HS2ST1: variants seen among roughly 807,000 people sequenced by gnomAD.
The protein encoded by HS2ST1 is 2-O-sulfotransferase.
HS2ST1 carries 18 observed loss-of-function variants against 42.9 expected under a neutral mutation model. That is an observed-to-expected ratio of 0.42 (90% CI 0.29 to 0.62). HS2ST1 has a LOEUF of 0.62. HS2ST1 is among the 20% of genes least tolerant of loss of function. The probability of loss-of-function intolerance (pLI) is 0.21; values close to 1 mark genes in which losing one functional copy is unlikely to be tolerated. For missense variants in HS2ST1, 334 were observed against 433.8 expected, an observed-to-expected ratio of 0.77 and a Z score of 2.04; for synonymous variants, 146 against 152.9, an observed-to-expected ratio of 0.95 and a Z score of 0.33.
intron 1 of HS2ST1, among the ~76,000 whole-genome samples, chr1:87,063,840 C>T (rs917061140): frequency 1.3e-4 from 20 of 152,094 alleles, no homozygotes; most frequent in African/African-American, 4.8e-4. Context: ...GTTTGAGATC[C>T]TGCTGGTTCT....
intron 1 of HS2ST1, among the ~76,000 whole-genome samples, chr1:86,921,095 A>G (rs539915583): frequency 6.6e-6 from 1 of 152,230 alleles, no homozygotes; most frequent in Non-Finnish European, 1.5e-5. Flanking sequence ...TACAAATAAA[A>G]AAAAACTATC....
intron 1 of HS2ST1, among the ~76,000 whole-genome samples, chr1:86,945,983 G>A (rs1570438141): frequency 2.0e-5 from 3 of 152,302 alleles, no homozygotes; most frequent in South Asian, 2.1e-4. Context: ...ACTGAAAGCT[G>A]TATGTTCAAA....
At chr1:86,932,564 A>G (rs556308777) in intron 1 of HS2ST1, 17 of 152,294 alleles carry the variant, frequency 1.1e-4, no homozygotes, top group African/African-American at 3.6e-4. Flanking sequence ...AAATACATTG[A>G]TTTGTTATTT....
At position 86,924,160 on chromosome 1, in the gene HS2ST1, A is replaced by T. The variant is rs551187229; in HGVS notation, c.124+9000A>T. On this transcript the variant is annotated intron_variant, in intron 1 of 6. Transcript: ENST00000370550. ...AAATCCAGCGGGGCAGTGAAATCTT[A>T]AACCTTCAAAATGATATCCTTTGAC... 9.9e-4 allele frequency among the ~76,000 whole-genome samples: 151 copies of T among 152,342 alleles called. 4 individuals are homozygous for T. The South Asian group carries it at 0.03, about 30-fold the overall frequency.
intron 5 of HS2ST1, among the ~76,000 whole-genome samples, chr1:87,101,252 G>A (rs746165067): frequency 3.8e-5 from 5 of 129,980 alleles, no homozygotes; most frequent in African/African-American, 1.2e-4. Context: ...TGCAACCTCC[G>A]CCTCCCGGGC....
intron 1 of HS2ST1, among the ~76,000 whole-genome samples, chr1:87,005,589 A>T (rs1316715280): frequency 3.3e-5 from 5 of 152,178 alleles, no homozygotes; most frequent in Non-Finnish European, 5.9e-5. Flanking sequence ...TAATGATTAA[A>T]TGAATGTATA....
intron 5 of HS2ST1, 83 bp downstream of exon 5, chr1:87,098,018 T>C (rs559867814): frequency 8.9e-6 from 14 of 1,578,292 alleles, no homozygotes; most frequent in East Asian, 2.3e-5. Context: ...GGGCTAGATA[T>C]AGGGAAATCG....
chr1:87,047,558 TG>T (rs1650716363), intron 1 of HS2ST1, among the ~76,000 whole-genome samples: 1 of 152,186 alleles, frequency 6.6e-6, no homozygotes, highest in Non-Finnish European at 1.5e-5. Flanking sequence ...TTTAGGTCTG[TG>T]ATTCATTTTA....
intron 2 of HS2ST1, among the ~76,000 whole-genome samples, chr1:87,079,054 A>T (rs1651615449): frequency 6.6e-6 from 1 of 152,162 alleles, no homozygotes; most frequent in South Asian, 2.1e-4. Context: ...AAAGGGAGTT[A>T]CTCATATTAT....
At chr1:86,961,691 A>T (rs1647848129) in intron 1 of HS2ST1, among the ~76,000 whole-genome samples, 1 of 152,154 alleles carries the variant, frequency 6.6e-6, no homozygotes, top group Non-Finnish European at 1.5e-5. Context: ...AACCAAAACT[A>T]ACAGCTCTTT....
chr1:86,919,672 A>G (rs528770880), intron 1 of HS2ST1, among the ~76,000 whole-genome samples: 6 of 152,338 alleles, frequency 3.9e-5, no homozygotes, highest in Admixed American at 1.3e-4. Context: ...AATTATATAC[A>G]TAACTTTCAT....
chr1:86,963,650 G>A lies in HS2ST1; in HGVS notation c.124+48490G>A, dbSNP rs894796790. On this transcript the variant is annotated intron_variant, in intron 1 of 6. Coordinates refer to ENST00000370550, the MANE Select transcript of HS2ST1 (RefSeq NM_012262.4). ...AAAACCGCCATCGTCATCATGGCCC[G>A]TTCTCAGTGAGCTGTTGGGTACACC... Among the ~76,000 whole-genome samples, 7 of 150,284 alleles carry A rather than the reference G, an allele frequency of 4.7e-5. No individual in the cohort carries two copies. The East Asian group carries it at 7.9e-4, about 17-fold the overall frequency.
At chr1:86,936,992 C>T (rs1207415416) in intron 1 of HS2ST1, among the ~76,000 whole-genome samples, 2 of 150,850 alleles carry the variant, frequency 1.3e-5, no homozygotes, top group South Asian at 2.1e-4. Context: ...GTAGTCCCAG[C>T]TACTTGGTAG....
At chr1:86,919,582 A>T (rs965451098) in intron 1 of HS2ST1, among the ~76,000 whole-genome samples, 1 of 152,012 alleles carries the variant, frequency 6.6e-6, no homozygotes, top group African/African-American at 2.4e-5. Context: ...TCAATTTTGG[A>T]TGCTATTTTC....
chr1:86,952,284 C>T (rs1263377313), intron 1 of HS2ST1, among the ~76,000 whole-genome samples: 1 of 152,156 alleles, frequency 6.6e-6, no homozygotes, highest in African/African-American at 2.4e-5. Flanking sequence ...GTTGCCCAGG[C>T]TGGAGTCCTG....
chr1:87,010,107 C>T (rs1331061628), intron 1 of HS2ST1, among the ~76,000 whole-genome samples: 1 of 151,006 alleles, frequency 6.6e-6, no homozygotes, highest in Non-Finnish European at 1.5e-5. Context: ...ATAGCACTTT[C>T]ACATTTCATT....
intron 1 of HS2ST1, among the ~76,000 whole-genome samples, chr1:87,029,930 T>C (rs1650186948): frequency 6.6e-6 from 1 of 152,234 alleles, no homozygotes; most frequent in African/African-American, 2.4e-5. Flanking sequence ...TTACTACTTA[T>C]TTTGGTTTCT....
Position 87,104,511 on chromosome 1 carries a change from C to T in HS2ST1, c.886C>T (p.Pro296Ser), listed in dbSNP as rs769405244. ...TAGGAAAACCACAGAGAAGAAACTCCCCACTAAACAAACCATTGCAAAACT... is the reference window on the plus strand; with the variant it reads ...TAGGAAAACCACAGAGAAGAAACTCTCCACTAAACAAACCATTGCAAAACT... The part of the protein sequence containing the change: ...HLRKTTEKKL[P>S]TKQTIAKLQQ... Residue 296 changes from proline to serine, a missense_variant, in exon 7 of 7, where the codon CCC (proline) becomes TCC (serine). Coordinates refer to ENST00000370550, the MANE Select transcript of HS2ST1 (RefSeq NM_012262.4). 2 of 1,613,120 alleles carry T rather than the reference C, an allele frequency of 1.2e-6. No individual in the cohort carries two copies. The highest frequency in any genetic ancestry group is 1.7e-5 in the Admixed American group (1 of 59,972).
At chr1:87,059,127 C>T (rs997358137) in intron 1 of HS2ST1, among the ~76,000 whole-genome samples, 1 of 152,134 alleles carries the variant, frequency 6.6e-6, no homozygotes, top group South Asian at 2.1e-4. Context: ...AAAGTAGAAG[C>T]ACTTGTTACA....
Sources: allele counts gnomAD v4.1 joint callset (sites outside exome capture counted in the v4.1 genomes callset), GRCh38; gene constraint gnomAD v4.1.1; transcripts MANE v1.5; gene names NCBI Gene and HGNC (gene_info 2026-07-23, HGNC 2026-07-21).